The following C8A variants were observed in gnomAD, a reference collection of about 807,000 sequenced individuals.
C8A encodes complement C8 alpha chain.
C8A carries 67 observed loss-of-function variants against 65.3 expected under a neutral mutation model. The observed-to-expected ratio is 1.03, with a 90% CI of 0.84 to 1.26. C8A has a LOEUF of 1.26. C8A is among the 50% of genes most tolerant of loss of function. C8A has a pLI of 0.00. For synonymous variants in C8A, 290 were observed against 259.4 expected, an observed-to-expected ratio of 1.12 and a Z score of -1.13; for missense variants, 781 against 723.9, an observed-to-expected ratio of 1.08 and a Z score of -0.90.
intron 7 of C8A, among the ~76,000 whole-genome samples, chr1:56,897,825 G>A (rs1418716359): frequency 6.6e-6 from 1 of 152,140 alleles, no homozygotes; most frequent in Non-Finnish European, 1.5e-5. Context: ...CACTCATTCA[G>A]TAAATGCTCA....
chr1:56,876,337 C>T, intron 4 of C8A, 128 bp downstream of exon 4: 1 of 1,086,440 alleles, frequency 9.2e-7, no homozygotes, highest in Non-Finnish European at 1.4e-6. Context: ...GAGCTGCTCT[C>T]ATTGTCCCCA....
At position 56,908,174 on chromosome 1, in the gene C8A, A is replaced by G. The variant is rs1644482149; in HGVS notation, c.1380+61A>G. 4.0e-6 allele frequency: 6 copies of G among 1,515,696 alleles called. No homozygotes were observed. The South Asian group carries it at 5.6e-5, about 14-fold the overall frequency. The allele number at this position is 1,515,696 out of a possible 1,614,324, so 93.9% of individuals were successfully genotyped here. On this transcript the variant is annotated intron_variant, in intron 9 of 10. Transcript: ENST00000361249. ...ATGAGGAATGAAAGTGAAGCAGACC[A>G]GATCATTTCATATTTCTTATTATGA...
intron 9 of C8A, among the ~76,000 whole-genome samples, chr1:56,909,870 C>T (rs1167336608): frequency 1.3e-5 from 2 of 152,286 alleles, no homozygotes; most frequent in South Asian, 2.1e-4. Context: ...CACAATATCT[C>T]GAAATTGGCA....
intron 1 of C8A, among the ~76,000 whole-genome samples, chr1:56,861,879 C>T (rs758231605): frequency 3.3e-5 from 5 of 152,134 alleles, no homozygotes; most frequent in African/African-American, 4.8e-5. Flanking sequence ...GACTTTCTGA[C>T]CTTCTAGCCT....
chr1:56,913,944 C>T lies in C8A; in HGVS notation c.1603+1319C>T, dbSNP rs535584925. Among the ~76,000 whole-genome samples, 175 of 152,272 alleles carry T rather than the reference C, an allele frequency of 1.1e-3. No homozygotes were observed. The Middle Eastern group carries it at 0.017, about 15-fold the overall frequency. Reference sequence around the variant, plus strand: ...ATACAGACGGCCCCACAGTGAAAGACGGGTTAACAAAAGTCAAGAGCTCAG... The same window carrying T: ...ATACAGACGGCCCCACAGTGAAAGATGGGTTAACAAAAGTCAAGAGCTCAG... On this transcript the variant is annotated intron_variant, in intron 10 of 10. Transcript: ENST00000361249.
chr1:56,874,343 A>T (rs1644177016), intron 2 of C8A, among the ~76,000 whole-genome samples: 1 of 152,176 alleles, frequency 6.6e-6, no homozygotes, highest in South Asian at 2.1e-4. Flanking sequence ...TCCCACCTTA[A>T]CTATAGGAGA....
chr1:56,893,711 G>A (rs1420002752), intron 7 of C8A, among the ~76,000 whole-genome samples: 1 of 152,114 alleles, frequency 6.6e-6, no homozygotes, highest in African/African-American at 2.4e-5. Flanking sequence ...CTGCAAGCTG[G>A]AAATACTGTC....
rs746296341 is a variant in C8A at position 56,908,086 on chromosome 1, G to A, written c.1353G>A (p.Lys451=). 1.9e-6 allele frequency: 3 copies of A among 1,614,180 alleles called. No homozygotes were observed. Among genetic ancestry groups the A allele is most frequent in the Non-Finnish European group, 1.7e-6 (2 of 1,180,012 alleles). ...ITYRSWGRSL[K]YNPVVIDFEM... ...ACCGTTCCTGGGGGAGGTCATTAAAGTATAATCCTGTTGTTATCGATTTTG... is the reference window on the plus strand; with the variant it reads ...ACCGTTCCTGGGGGAGGTCATTAAAATATAATCCTGTTGTTATCGATTTTG... The change falls in exon 9 of 11, where the codon AAG becomes AAA. Residue 451 remains lysine, a synonymous_variant. Coordinates refer to ENST00000361249, the MANE Select transcript of C8A (RefSeq NM_000562.3).
intron 3 of C8A, 87 bp from the exon 4 acceptor site, chr1:56,875,975 T>C: frequency 6.6e-7 from 1 of 1,524,202 alleles, no homozygotes; most frequent in Non-Finnish European, 8.9e-7. Context: ...GAGGTTTATT[T>C]CTGAGGAAGA....
At chr1:56,917,481 C>A in intron 10 of C8A, 84 bp from the exon 11 acceptor site, 1 of 1,457,880 alleles carries the variant, frequency 6.9e-7, no homozygotes, top group Non-Finnish European at 9.6e-7. Flanking sequence ...GGGTGCCACA[C>A]ACCCCTCCCT....
chr1:56,906,561 T>A, intron 7 of C8A, 106 bp from the exon 8 acceptor site: 1 of 1,360,982 alleles, frequency 7.3e-7, no homozygotes, highest in Non-Finnish European at 1.0e-6. Context: ...CCAGGCCTTT[T>A]GGACTCCAAA....
intron 9 of C8A, 57 bp from the exon 10 acceptor site, chr1:56,912,346 C>A: frequency 1.3e-6 from 2 of 1,549,562 alleles, no homozygotes; most frequent in Non-Finnish European, 1.8e-6. Flanking sequence ...GGTTCTTGGG[C>A]TCTGGGAAGG....
At chr1:56,870,794 A>C (rs1234403041) in intron 2 of C8A, among the ~76,000 whole-genome samples, 1 of 151,922 alleles carries the variant, frequency 6.6e-6, no homozygotes, top group African/African-American at 2.4e-5. Flanking sequence ...TTTTAAAGTA[A>C]CCCTTAAAAT....
At chr1:56,858,400 CA>C (rs1643997771) in intron 1 of C8A, among the ~76,000 whole-genome samples, 2 of 152,132 alleles carry the variant, frequency 1.3e-5, no homozygotes, top group South Asian at 2.1e-4. Flanking sequence ...AATTGAAGGC[CA>C]AAATTTTCAA....
At chr1:56,878,776 C>T (rs974036135) in intron 4 of C8A, among the ~76,000 whole-genome samples, 1 of 152,150 alleles carries the variant, frequency 6.6e-6, no homozygotes, top group Non-Finnish European at 1.5e-5. Flanking sequence ...CTAGAGCTGA[C>T]CCCTGTTAAC....
chr1:56,883,290 TA>T (rs1167406233), intron 5 of C8A, among the ~76,000 whole-genome samples, 190 bp from the exon 6 acceptor site: 1 of 152,142 alleles, frequency 6.6e-6, no homozygotes, highest in Admixed American at 6.6e-5. Context: ...TCAGTACCAC[TA>T]AACACTAACA....
At chr1:56,905,479 G>C (rs1417642522) in intron 7 of C8A, among the ~76,000 whole-genome samples, 1 of 152,144 alleles carries the variant, frequency 6.6e-6, no homozygotes. Context: ...CATTTATTCT[G>C]AAAGTACTTA....
intron 7 of C8A, among the ~76,000 whole-genome samples, chr1:56,904,741 T>C (rs755906258): frequency 2.0e-5 from 3 of 152,330 alleles, no homozygotes; most frequent in Admixed American, 6.5e-5. Flanking sequence ...GCTTGGGCTC[T>C]CAGGTTCTAT....
At chr1:56,860,067 G>GA (rs200812931) in intron 1 of C8A, among the ~76,000 whole-genome samples, 4 of 152,118 alleles carry the variant, frequency 2.6e-5, no homozygotes, top group Non-Finnish European at 5.9e-5. Context: ...TATCTCAAAA[G>GA]AAAAAATTTT....
Sources: gnomAD v4.1 joint callset for allele counts (sites outside exome capture counted in the v4.1 genomes callset) on GRCh38, gnomAD v4.1.1 for gene constraint, MANE v1.5 for transcripts, NCBI Gene and HGNC (gene_info 2026-07-23, HGNC 2026-07-21) for gene names.